Variants in PVT1 observed in about 807,000 individuals in gnomAD.
PVT1 encodes CXCR4/PVT1 fusion.
At chr8:128,033,222 C>T (rs762385774) in intron 4 of PVT1, among the ~76,000 whole-genome samples, 2 of 152,204 alleles carry the variant, frequency 1.3e-5, no homozygotes, top group Non-Finnish European at 2.9e-5. Context: ...TATGATTCTC[C>T]GAGGCTCTGT....
chr8:127,981,088 G>T (rs772203743), intron 3 of PVT1, among the ~76,000 whole-genome samples: 1 of 152,124 alleles, frequency 6.6e-6, no homozygotes, highest in Admixed American at 6.5e-5. Context: ...GAGCTACCGC[G>T]CCCAGGCTTA....
At chr8:127,836,006 G>T (rs1814904947) in intron 2 of PVT1, among the ~76,000 whole-genome samples, 1 of 152,072 alleles carries the variant, frequency 6.6e-6, no homozygotes, top group African/African-American at 2.4e-5. Context: ...CCAGATCCTA[G>T]AATGCTTTTT....
At chr8:127,889,376 A>G (rs1325260712) in intron 2 of PVT1, among the ~76,000 whole-genome samples, 1 of 151,140 alleles carries the variant, frequency 6.6e-6, no homozygotes, top group Non-Finnish European at 1.5e-5. Flanking sequence ...GGGATCCACC[A>G]GCCTCGGCAT....
intron 2 of PVT1, among the ~76,000 whole-genome samples, chr8:127,858,407 A>AAAATAAATAAATAAAT (rs374974740): frequency 8.5e-5 from 12 of 141,868 alleles, no homozygotes; most frequent in East Asian, 4.1e-4. Flanking sequence ...ACTCTGTCTC[A>AAAATAAATAAATAAAT]AAATAAATAA....
At chr8:127,873,150 C>T (rs953488108) in intron 2 of PVT1, among the ~76,000 whole-genome samples, 1 of 152,168 alleles carries the variant, frequency 6.6e-6, no homozygotes, top group Non-Finnish European at 1.5e-5. Flanking sequence ...CAAGGGCCTG[C>T]CTCTGGCCTC....
intron 5 of PVT1, among the ~76,000 whole-genome samples, chr8:128,078,986 G>GTT (rs1814133976): frequency 7.0e-6 from 1 of 142,466 alleles, no homozygotes; most frequent in Non-Finnish European, 1.5e-5. Context: ...TTGTTTTTGG[G>GTT]TTTTTTCCTT....
intron 4 of PVT1, among the ~76,000 whole-genome samples, chr8:128,011,739 T>A (rs17199192): frequency 0.022 from 3,274 of 152,250 alleles, 74 homozygotes; most frequent in South Asian, 0.072. Context: ...GGTGGTGATA[T>A]TCAATTAGTG....
At chr8:127,954,226 G>T (rs900129095) in intron 3 of PVT1, among the ~76,000 whole-genome samples, 2 of 151,430 alleles carry the variant, frequency 1.3e-5, no homozygotes, top group African/African-American at 4.9e-5. Context: ...AACTAGAACA[G>T]ATGCTTTGTG....
chr8:128,063,454 G>A (rs1219170330), intron 4 of PVT1, among the ~76,000 whole-genome samples: 1 of 149,150 alleles, frequency 6.7e-6, no homozygotes, highest in Non-Finnish European at 1.5e-5. Flanking sequence ...GGGGATTGCA[G>A]TGAGCTGAGA....
At chr8:127,826,245 G>GAAT (rs763560141) in intron 2 of PVT1, among the ~76,000 whole-genome samples, 48 of 151,626 alleles carry the variant, frequency 3.2e-4, no homozygotes, top group South Asian at 4.2e-4. Context: ...TGTAAAATGG[G>GAAT]AATAATAATA....
At chr8:127,820,637 G>C (rs533126876) in intron 2 of PVT1, among the ~76,000 whole-genome samples, 1 of 152,082 alleles carries the variant, frequency 6.6e-6, no homozygotes, top group Non-Finnish European at 1.5e-5. Context: ...GGAAGCCCAA[G>C]TTCTGGCCCC....
rs191375591 is a variant in PVT1, at chr8:128,087,920, G to A, written n.1115-8598G>A. The stretch of plus-strand genomic sequence containing the variant: ...ATTGCAGACACGTGCCACCACACCC[G>A]GCTATTTTTTGTGTTTTTAGCAGAG... On this transcript the variant is annotated intron_variant and non_coding_transcript_variant, in intron 5 of 10. Transcript: ENST00000651587. Among the ~76,000 whole-genome samples the A allele has an allele frequency of 7.2e-3, 1,094 of 151,666 alleles. 19 individuals are homozygous for A. The highest frequency in any genetic ancestry group is 0.026 in the African/African-American group (1,064 of 41,334).
At position 127,931,408 on chromosome 8, in the gene PVT1, TG is replaced by T. The variant is rs1170713138; in HGVS notation, n.782+40415del. Among the ~76,000 whole-genome samples the T allele has an allele frequency of 4.6e-5, 7 of 152,270 alleles. No homozygotes were observed. The East Asian group carries it at 1.2e-3, about 25-fold the overall frequency. ...CTTATTCCATTTCCTGTCTTGAAGG[TG>T]GGGGCACTATGTTTATCTCTAGGAC... is the stretch of plus-strand genomic sequence containing the variant. On this transcript the variant is annotated intron_variant and non_coding_transcript_variant, in intron 3 of 10. Transcript: ENST00000651587.
At chr8:128,029,812 C>A (rs1319753154) in intron 4 of PVT1, among the ~76,000 whole-genome samples, 1 of 151,626 alleles carries the variant, frequency 6.6e-6, no homozygotes, top group Non-Finnish European at 1.5e-5. Context: ...AACAAACAAA[C>A]AAAAAAACAC....
chr8:128,040,703 G>A lies in PVT1; in HGVS notation n.913-29457G>A, dbSNP rs139653226. ...ACAGATTAAGAGATTCAGAAATTAT[G>A]TGTGTATGTTTGTGTGTGTTATATG... On this transcript the variant is annotated intron_variant and non_coding_transcript_variant, in intron 4 of 10. Transcript: ENST00000651587. Among the ~76,000 whole-genome samples the A allele has an allele frequency of 4.6e-5, 7 of 152,234 alleles. No individual in the cohort carries two copies. In the East Asian group the frequency reaches 1.2e-3, roughly 25 times the overall value.
intron 3 of PVT1, among the ~76,000 whole-genome samples, chr8:127,976,295 C>T (rs1428967143): frequency 1.3e-5 from 2 of 152,122 alleles, no homozygotes; most frequent in Non-Finnish European, 2.9e-5. Flanking sequence ...CTCTGACTTG[C>T]CAGGTGAGTT....
chr8:128,001,311 G>A (rs1482462865), intron 4 of PVT1, among the ~76,000 whole-genome samples: 2 of 152,192 alleles, frequency 1.3e-5, no homozygotes, highest in African/African-American at 2.4e-5. Context: ...TTCCCAGAGT[G>A]GGCAGGACTC....
intron 3 of PVT1, among the ~76,000 whole-genome samples, chr8:127,906,873 G>A (rs188528571): frequency 4.8e-4 from 73 of 151,954 alleles, no homozygotes; most frequent in African/African-American, 1.7e-3. Context: ...TTTTACAGAT[G>A]TGAAAACAGG....
intron 4 of PVT1, among the ~76,000 whole-genome samples, chr8:128,008,531 A>C (rs907360369): frequency 6.6e-6 from 1 of 152,198 alleles, no homozygotes; most frequent in Admixed American, 6.5e-5. Flanking sequence ...TTTTGCAGCT[A>C]ATTCTCCGAA....
Sources: gnomAD v4.1 joint callset for allele counts (sites outside exome capture counted in the v4.1 genomes callset) on GRCh38, gnomAD v4.1.1 for gene constraint, MANE v1.5 for transcripts, NCBI Gene and HGNC (gene_info 2026-07-23, HGNC 2026-07-21) for gene names.